PDE1B: variants seen among roughly 807,000 people sequenced by gnomAD.
The protein encoded by PDE1B is phosphodiesterase 1B.
PDE1B carries 13 observed loss-of-function variants against 66.7 expected under a neutral mutation model. That is an observed-to-expected ratio of 0.19 (90% CI 0.13 to 0.31). The LOEUF (loss-of-function observed/expected upper bound fraction) is 0.31, where lower values mean the gene tolerates loss of function less well. Ranked by LOEUF, PDE1B falls within the 10% of genes least tolerant of loss-of-function variation. The pLI is 1.00. For synonymous variants in PDE1B, 230 were observed against 253.9 expected (o/e 0.91, Z 0.90); for missense variants, 485 against 682.3 (o/e 0.71, Z 3.22).
At chr12:54,570,203 G>A (rs1428600083) in intron 5 of PDE1B, 38 bp from the exon 6 acceptor site, 6 of 1,255,852 alleles carry the variant, frequency 4.8e-6, no homozygotes, top group Non-Finnish European at 7.0e-6. Flanking sequence ...AACCCTTGCT[G>A]CTGCTGGAAA....
chr12:54,574,570 A>G (rs976436798), intron 10 of PDE1B: 3 of 152,502 alleles, frequency 2.0e-5, no homozygotes, highest in African/African-American at 4.8e-5. Context: ...AGGCCCTTTG[A>G]TTCTAAGAGC....
Position 54,569,424 on chromosome 12 carries a change from C to T in PDE1B, c.410+58C>T. 1 of 1,587,648 alleles carries T rather than the reference C, an allele frequency of 6.3e-7. No homozygotes were observed. The highest frequency in any genetic ancestry group is 8.6e-7 in the Non-Finnish European group (1 of 1,164,206). ...CTTTAGCTGTGCCCCTCTTTCCCAG[C>T]CACCCTGGTCTTCCATGACCACCAG... On this transcript the variant is annotated intron_variant, in intron 4 of 15. Coordinates refer to ENST00000243052, the MANE Select transcript of PDE1B (RefSeq NM_000924.4). This position sits in a 1 kb window ranked among gnomAD's most constrained non-coding sequence, Gnocchi z 4.4.
chr12:54,560,372 T>G (rs917553642), intron 2 of PDE1B, among the ~76,000 whole-genome samples: 7 of 152,186 alleles, frequency 4.6e-5, no homozygotes, highest in Non-Finnish European at 8.8e-5. Flanking sequence ...TCTTTTCCCT[T>G]TCTGCTGACA....
intron 2 of PDE1B, among the ~76,000 whole-genome samples, chr12:54,555,239 T>C (rs778636211): frequency 6.6e-6 from 1 of 152,208 alleles, no homozygotes; most frequent in African/African-American, 2.4e-5. Context: ...CTGCCATAGG[T>C]GGGTTCTATG....
At chr12:54,576,792 A>G in intron 14 of PDE1B, 91 bp downstream of exon 14, 1 of 1,393,402 alleles carries the variant, frequency 7.2e-7, no homozygotes, top group Non-Finnish European at 9.9e-7. Context: ...CCCTGGGGAA[A>G]CCCTTTGCCG....
intron 6 of PDE1B, 66 bp downstream of exon 6, chr12:54,570,423 GCC>G: frequency 1.1e-6 from 1 of 915,194 alleles, no homozygotes; most frequent in South Asian, 1.3e-5. Flanking sequence ...TGTTCTAAAA[GCC>G]TCCCAACAAA....
chr12:54,560,732 C>G (rs1025540891), intron 2 of PDE1B, among the ~76,000 whole-genome samples: 1 of 152,188 alleles, frequency 6.6e-6, no homozygotes, highest in Non-Finnish European at 1.5e-5. Flanking sequence ...CCTCTTTTGG[C>G]CCCTCCTGGG....
In PDE1B at chr12:54,575,212, C is replaced by A; in HGVS notation, c.1179C>A (p.Phe393Leu). The A allele has an allele frequency of 6.2e-7, 1 of 1,613,406 alleles. No individual in the cohort carries two copies. The highest frequency in any genetic ancestry group is 8.5e-7 in the Non-Finnish European group (1 of 1,179,498). ...CCAAGGCCCTCATGGAGGAATTCTTCCGTCAGGTAGCGTGGCATCTTTGCC... is the reference window on the plus strand; with the variant it reads ...CCAAGGCCCTCATGGAGGAATTCTTACGTCAGGTAGCGTGGCATCTTTGCC... ...RWTKALMEEF[F>L]RQGDKEAELG... Residue 393 changes from phenylalanine (F) to leucine (L), a missense_variant, in exon 11 of 16, where the codon TTC (phenylalanine) becomes TTA (leucine). Around this residue, in one of 4 missense-constraint regions of PDE1B, gnomAD observed 282 missense variants for 453.4 expected, o/e 0.62. Coordinates refer to ENST00000243052, the MANE Select transcript of PDE1B (RefSeq NM_000924.4). This position sits in a 1 kb window ranked among gnomAD's most constrained non-coding sequence, Gnocchi z 4.0.
Position 54,569,686 on chromosome 12 carries a change from T to C in PDE1B, c.477+74T>C. 9.9e-7 allele frequency: 1 copy of C among 1,009,428 alleles called. No homozygotes were observed. Among genetic ancestry groups the C allele is most frequent in the Non-Finnish European group, 1.5e-6 (1 of 648,320 alleles). 62.5% of individuals were successfully genotyped at this position (1,009,428 alleles called of 1,614,324 possible). ...GCCACTGGGACTTCTAGACCCTGTT[T>C]ATGGCATTATTTTTGCCTTCCTTTT... is the stretch of plus-strand genomic sequence containing the variant. On this transcript the variant is annotated intron_variant, in intron 5 of 15. Transcript: ENST00000243052. This position sits in a 1 kb window ranked among gnomAD's most constrained non-coding sequence, Gnocchi z 4.4.
intron 3 of PDE1B, among the ~76,000 whole-genome samples, chr12:54,567,862 A>ATTT (rs1180593660): frequency 3.3e-5 from 5 of 150,960 alleles, no homozygotes; most frequent in Admixed American, 6.6e-5. Flanking sequence ...ATATATATAT[A>ATTT]TTTTTTTGTT....
intron 3 of PDE1B, 118 bp downstream of exon 3, chr12:54,567,205 G>T: frequency 1.5e-5 from 8 of 543,216 alleles, no homozygotes; most frequent in Admixed American, 6.4e-5. Context: ...AAAGAGAGAG[G>T]GTGGACCAGA....
At chr12:54,552,187 T>G (rs1282461390) in intron 2 of PDE1B, among the ~76,000 whole-genome samples, 1 of 152,126 alleles carries the variant, frequency 6.6e-6, no homozygotes, top group Non-Finnish European at 1.5e-5. Flanking sequence ...TGAAGGGAAA[T>G]AAAAGGATTT....
intron 14 of PDE1B, 200 bp from the exon 15 acceptor site, chr12:54,577,025 G>T (rs185207543): frequency 1.6e-6 from 1 of 615,514 alleles, no homozygotes; most frequent in Non-Finnish European, 2.8e-6. Flanking sequence ...TCCTGTGTGA[G>T]GGGGTGGTAG....
intron 14 of PDE1B, 43 bp from the exon 15 acceptor site, chr12:54,577,182 T>G: frequency 6.6e-7 from 1 of 1,515,410 alleles, no homozygotes; most frequent in Non-Finnish European, 9.1e-7. Flanking sequence ...TGGGGAAGAA[T>G]ACTTCTTGGC....
rs762362415 is a variant in PDE1B, at chr12:54,572,644, C to T, written c.638C>T (p.Thr213Ile). Residue 213 changes from threonine (T) to isoleucine (I), a missense_variant, in exon 7 of 16, where the codon ACA becomes ATA. Around this residue, in one of 4 missense-constraint regions of PDE1B, gnomAD observed 282 missense variants for 453.4 expected, o/e 0.62. Coordinates refer to ENST00000243052, the MANE Select transcript of PDE1B (RefSeq NM_000924.4). ...FLMSFLDALE[T>I]GYGKYKNPYH... The stretch of plus-strand genomic sequence containing the variant: ...ATGAGTTTCCTGGATGCCTTGGAGA[C>T]AGGCTATGGGAAGTACAAGAATCCT... 9.3e-6 allele frequency: 15 copies of T among 1,613,854 alleles called. No individual in the cohort carries two copies. Among genetic ancestry groups the T allele is most frequent in the Middle Eastern group, 3.3e-4 (2 of 6,060 alleles).
At chr12:54,562,864 G>A (rs1237026594) in intron 2 of PDE1B, among the ~76,000 whole-genome samples, 1 of 152,076 alleles carries the variant, frequency 6.6e-6, no homozygotes, top group South Asian at 2.1e-4. Flanking sequence ...GCCTCCTTCT[G>A]GTGTCTGGAT....
At chr12:54,564,325 T>C (rs1210050064) in intron 2 of PDE1B, among the ~76,000 whole-genome samples, 1 of 131,474 alleles carries the variant, frequency 7.6e-6, no homozygotes, top group African/African-American at 3.8e-5. Context: ...GGTGACCTTG[T>C]CTCTTAAAAA....
chr12:54,550,807 G>A (rs1957266867), intron 2 of PDE1B, among the ~76,000 whole-genome samples: 1 of 152,200 alleles, frequency 6.6e-6, no homozygotes, highest in Non-Finnish European at 1.5e-5. Context: ...ATGGGGGAAG[G>A]AAGAACTCAG....
chr12:54,553,225 AGG>A (rs1229897279), intron 2 of PDE1B, among the ~76,000 whole-genome samples: 1 of 152,106 alleles, frequency 6.6e-6, no homozygotes, highest in South Asian at 2.1e-4. Flanking sequence ...TTTTTTCTTT[AGG>A]GGGGTTATAT....
Sources: gnomAD v4.1 joint callset for allele counts (sites outside exome capture counted in the v4.1 genomes callset) on GRCh38, gnomAD v4.1.1 for gene constraint, gnomAD v4.1.1 regional missense constraint, Gnocchi (gnomAD v3.1) non-coding constraint, MANE v1.5 for transcripts, NCBI Gene and HGNC (gene_info 2026-07-23, HGNC 2026-07-21) for gene names.